Variants in TSHZ1 observed in about 807,000 individuals in gnomAD.
TSHZ1 encodes the protein teashirt homolog 1.
In TSHZ1, 12 loss-of-function variants were observed where a neutral mutation model predicts 67.1. That is an observed-to-expected ratio of 0.18 (90% CI 0.11 to 0.29). TSHZ1 has a LOEUF of 0.29. TSHZ1 is among the 10% of genes least tolerant of loss of function. The pLI is 1.00. For missense variants in TSHZ1, 1,305 were observed against 1,413.9 expected, an observed-to-expected ratio of 0.92 and a Z score of 1.23; for synonymous variants, 632 against 622.4, an observed-to-expected ratio of 1.02 and a Z score of -0.23.
At chr18:75,230,224 T>C (rs367617730) in intron 1 of TSHZ1, among the ~76,000 whole-genome samples, 2 of 152,214 alleles carry the variant, frequency 1.3e-5, no homozygotes, top group Admixed American at 1.3e-4. Flanking sequence ...CTGCCATCTT[T>C]GTGATGTAGG....
intron 1 of TSHZ1, chr18:75,220,942 T>C (rs529294365): frequency 5.9e-5 from 9 of 152,368 alleles, no homozygotes; most frequent in African/African-American, 1.9e-4. Context: ...CTCTGCAAAA[T>C]ATAAGGCAGG....
chr18:75,228,487 T>G (rs1025178426), intron 1 of TSHZ1, among the ~76,000 whole-genome samples: 11 of 152,338 alleles, frequency 7.2e-5, no homozygotes, highest in African/African-American at 2.4e-4. Flanking sequence ...CTCTCCTAAG[T>G]GCTACAGATA....
chr18:75,222,009 C>T (rs1248203555), intron 1 of TSHZ1, among the ~76,000 whole-genome samples: 1 of 152,146 alleles, frequency 6.6e-6, no homozygotes, highest in African/African-American at 2.4e-5. Context: ...AATAAATATT[C>T]TAAGTCAGCC....
chr18:75,245,856 C>A (rs868143068), intron 1 of TSHZ1, among the ~76,000 whole-genome samples: 43 of 152,276 alleles, frequency 2.8e-4, no homozygotes, highest in African/African-American at 1.0e-3. Context: ...TCAATGGATG[C>A]CCACTCTATG....
chr18:75,265,822 G>C (rs1039274672), intron 1 of TSHZ1, among the ~76,000 whole-genome samples: 1 of 151,868 alleles, frequency 6.6e-6, no homozygotes, highest in Non-Finnish European at 1.5e-5. Flanking sequence ...CCCCTTACTC[G>C]AATCTCATGA....
chr18:75,214,812 A>G (rs2022745502), intron 1 of TSHZ1, among the ~76,000 whole-genome samples: 1 of 152,220 alleles, frequency 6.6e-6, no homozygotes, highest in Non-Finnish European at 1.5e-5. Flanking sequence ...AGCCAGCTTC[A>G]TTAACAGGCC....
chr18:75,275,391 T>TA (rs1408080937), intron 1 of TSHZ1, among the ~76,000 whole-genome samples: 2 of 152,220 alleles, frequency 1.3e-5, no homozygotes, highest in African/African-American at 2.4e-5. Flanking sequence ...GTAACTGGGT[T>TA]ATCAGGCAGC....
chr18:75,254,084 T>C (rs2023336530), intron 1 of TSHZ1, among the ~76,000 whole-genome samples: 1 of 152,242 alleles, frequency 6.6e-6, no homozygotes, highest in Non-Finnish European at 1.5e-5. Flanking sequence ...TTTAAGCTAA[T>C]GTAAAATATT....
At chr18:75,263,917 A>G (rs967716355) in intron 1 of TSHZ1, among the ~76,000 whole-genome samples, 1 of 152,244 alleles carries the variant, frequency 6.6e-6, no homozygotes, top group Non-Finnish European at 1.5e-5. Context: ...GGCATCTAAG[A>G]TGCTTTTCAG....
At chr18:75,222,390 A>C (rs1311964209) in intron 1 of TSHZ1, among the ~76,000 whole-genome samples, 1 of 152,154 alleles carries the variant, frequency 6.6e-6, no homozygotes, top group Non-Finnish European at 1.5e-5. Flanking sequence ...ACTTTTCGAT[A>C]ACTGGAAAAA....
chr18:75,251,056 T>C (rs2023297369), intron 1 of TSHZ1, among the ~76,000 whole-genome samples: 1 of 152,222 alleles, frequency 6.6e-6, no homozygotes. Flanking sequence ...TTTTAAAAAA[T>C]TACTTTGCTT....
chr18:75,221,808 G>A (rs1053939789), intron 1 of TSHZ1, among the ~76,000 whole-genome samples: 4 of 152,150 alleles, frequency 2.6e-5, no homozygotes, highest in Admixed American at 6.5e-5. Context: ...TCCTGGCATC[G>A]AGAAAAGCCA....
chr18:75,245,849 A>G (rs2023214658), intron 1 of TSHZ1, among the ~76,000 whole-genome samples: 1 of 152,292 alleles, frequency 6.6e-6, no homozygotes, highest in South Asian at 2.1e-4. Context: ...CAAGTTCTCA[A>G]TGGATGCCCA....
chr18:75,258,837 G>T (rs777643335), intron 1 of TSHZ1, among the ~76,000 whole-genome samples: 1 of 152,148 alleles, frequency 6.6e-6, no homozygotes, highest in Non-Finnish European at 1.5e-5. Context: ...TCCACTGATG[G>T]ATGACGATGA....
At position 75,287,160 on chromosome 18, in the gene TSHZ1, C is replaced by T. The variant is rs1013669343; in HGVS notation, c.1753C>T (p.Leu585Phe). ...GYPSIHAAYQ[L>F]PGTVKPLPAA... ...CCCCAGCATCCATGCAGCCTACCAG[C>T]TCCCGGGCACCGTGAAGCCACTGCC... The change falls in exon 2 of 2, where the codon CTC becomes TTC. Residue 585 changes from leucine (L) to phenylalanine (F), a missense_variant. Around this residue, in one of 3 missense-constraint regions of TSHZ1, gnomAD observed 909 missense variants for 961.8 expected, o/e 0.95. Coordinates refer to ENST00000580243, the MANE Select transcript of TSHZ1 (RefSeq NM_001308210.2). The surrounding 1 kb of genome is among the most constrained non-coding windows in gnomAD (Gnocchi z 5.0). 20 of 1,613,764 alleles carry T rather than the reference C, an allele frequency of 1.2e-5. No individual in the cohort carries two copies. The highest frequency in any genetic ancestry group is 1.3e-5 in the African/African-American group (1 of 74,938).
intron 1 of TSHZ1, among the ~76,000 whole-genome samples, chr18:75,238,432 A>G (rs1353590901): frequency 6.6e-6 from 1 of 152,188 alleles, no homozygotes; most frequent in African/African-American, 2.4e-5. Flanking sequence ...AAACTGGGAC[A>G]TGAAATCACA....
chr18:75,271,962 A>C (rs945265320), intron 1 of TSHZ1, among the ~76,000 whole-genome samples: 4 of 152,334 alleles, frequency 2.6e-5, no homozygotes, highest in African/African-American at 7.2e-5. Context: ...TCCTGTAAAG[A>C]ATGTATGGAA....
chr18:75,224,561 A>G (rs987067358), intron 1 of TSHZ1, among the ~76,000 whole-genome samples: 1 of 152,206 alleles, frequency 6.6e-6, no homozygotes, highest in African/African-American at 2.4e-5. Context: ...TTTAAACATC[A>G]GCCCAGATTT....
chr18:75,284,331 G>T (rs867503257), intron 1 of TSHZ1: 1 of 152,680 alleles, frequency 6.5e-6, no homozygotes, highest in Non-Finnish European at 1.5e-5. Context: ...TCGCTCCGCT[G>T]TGCAGTCGTG....
Sources: allele counts gnomAD v4.1 joint callset (sites outside exome capture counted in the v4.1 genomes callset), GRCh38; gene constraint gnomAD v4.1.1; regional missense constraint gnomAD v4.1.1; non-coding constraint Gnocchi (gnomAD v3.1); transcripts MANE v1.5; gene names NCBI Gene and HGNC (gene_info 2026-07-23, HGNC 2026-07-21).